CRYBG2: variants seen among roughly 807,000 people sequenced by gnomAD.
CRYBG2 encodes beta/gamma crystallin domain-containing protein 2.
Under a neutral mutation model 153.4 loss-of-function variants are expected in CRYBG2, and 106 were observed. That is an observed-to-expected ratio of 0.69 (90% confidence interval 0.59 to 0.81). The LOEUF (loss-of-function observed/expected upper bound fraction) is 0.81, where lower values mean the gene tolerates loss of function less well. Ranked by LOEUF, CRYBG2 falls within the 30% of genes least tolerant of loss-of-function variation. CRYBG2 has a pLI of 0.00. For synonymous variants in CRYBG2, 851 were observed against 877.8 expected, an observed-to-expected ratio of 0.97 and a Z score of 0.54; for missense variants, 1,996 against 2,112.0, an observed-to-expected ratio of 0.95 and a Z score of 1.08.
At chr1:26,347,227 C>T (rs1224710921) in intron 1 of CRYBG2, among the ~76,000 whole-genome samples, 1 of 150,572 alleles carries the variant, frequency 6.6e-6, no homozygotes, top group Non-Finnish European at 1.5e-5. Context: ...GGTCCTCAGC[C>T]ACAAAACTGG....
chr1:26,344,594 G>A lies in CRYBG2; in HGVS notation c.2064C>T (p.Ser688=), dbSNP rs1429039690. Residue 688 remains serine, a synonymous_variant, in exon 2 of 20, where the codon AGC becomes AGT. Coordinates refer to ENST00000308182, the MANE Select transcript of CRYBG2 (RefSeq NM_001039775.4). ...QDKGVQDSEG[S]PISSLTQKEV... is the part of the protein sequence containing the mutation. Reference sequence around the variant, plus strand: ...CTTTCTGGGTGAGAGATGAGATGGGGCTCCCTTCAGAGTCCTGGACCCCCT... The same window carrying A: ...CTTTCTGGGTGAGAGATGAGATGGGACTCCCTTCAGAGTCCTGGACCCCCT... 11 of 1,536,738 alleles carry A rather than the reference G, an allele frequency of 7.2e-6. No individual in the cohort carries two copies. In the Admixed American group the frequency reaches 1.8e-4, roughly 25 times the overall value.
rs1197081076 is a variant in CRYBG2 at position 26,347,292 on chromosome 1, T to TG, written c.-55-581_-55-580insC. Among the ~76,000 whole-genome samples, 497 of 134,498 alleles carry TG rather than the reference T, an allele frequency of 3.7e-3. 4 individuals carry two copies. The highest frequency in any genetic ancestry group is 0.014 in the African/African-American group (488 of 35,450). The allele number at this position is 134,498 out of a possible 152,430, so 88.2% of individuals were successfully genotyped here. The stretch of plus-strand genomic sequence containing the variant: ...ATGAAACCTCCCCCTGCGTTTTTTT[T>TG]TTTTTTTTTTTTTTTTTGTGAGACA... On this transcript the variant is annotated intron_variant, in intron 1 of 19. Transcript: ENST00000308182.
chr1:26,337,417 A>G (rs1432767699), intron 9 of CRYBG2, 38 bp from the exon 10 acceptor site: 1 of 1,607,942 alleles, frequency 6.2e-7, no homozygotes. Context: ...AGGTTCAGTC[A>G]TAGGAGGCCC....
chr1:26,347,364 G>C (rs1347183611), intron 1 of CRYBG2, among the ~76,000 whole-genome samples: 1 of 139,732 alleles, frequency 7.2e-6, no homozygotes, highest in East Asian at 2.1e-4. Flanking sequence ...TATGATCTTA[G>C]CTCACTGCAG....
chr1:26,337,817 T>C, intron 8 of CRYBG2, 143 bp from the exon 9 acceptor site: 1 of 1,333,724 alleles, frequency 7.5e-7, no homozygotes, highest in Non-Finnish European at 1.0e-6. Context: ...ACCCAATTCC[T>C]ATCTCTACTC....
At position 26,336,790 on chromosome 1, in the gene CRYBG2, C is replaced by CA; in HGVS notation, c.3911+50_3911+51insT. 1 of 1,561,144 alleles carries CA rather than the reference C, an allele frequency of 6.4e-7. No individual in the cohort carries two copies. The highest frequency in any genetic ancestry group is 8.7e-7 in the Non-Finnish European group (1 of 1,153,552). ...ACGGAGCCTGCACCTCTCCTGGAAC[C>CA]GCCCCCGGCTCGCCCGGGCCCGCCC... is the stretch of plus-strand genomic sequence containing the variant. On this transcript the variant is annotated intron_variant, in intron 11 of 19. Coordinates refer to ENST00000308182, the MANE Select transcript of CRYBG2 (RefSeq NM_001039775.4). This position sits in a 1 kb window ranked among gnomAD's most constrained non-coding sequence, Gnocchi z 4.9.
chr1:26,338,105 G>A, intron 7 of CRYBG2, 58 bp from the exon 8 acceptor site: 1 of 1,590,850 alleles, frequency 6.3e-7, no homozygotes, highest in Non-Finnish European at 8.6e-7. Context: ...AGATGGGGCT[G>A]CGGATCTAGG....
chr1:26,336,171 G>C lies in CRYBG2; in HGVS notation c.4108C>G (p.His1370Asp), dbSNP rs928995637. ...GCCTGGTCATCTTCGAAAGAGAAGTGGTCGCCCAGAAAGTCGGGGCGGGAG... is the reference window on the plus strand; with the variant it reads ...GCCTGGTCATCTTCGAAAGAGAAGTCGTCGCCCAGAAAGTCGGGGCGGGAG... ...LFSRPDFLGD[H>D]FSFEDDQAAL... The change falls in exon 14 of 20, where the codon CAC becomes GAC. Residue 1370 changes from histidine (H) to aspartate (D), a missense_variant. By Grantham distance (81) the His-to-Asp change is moderately conservative (BLOSUM62 -1). Transcript: ENST00000308182. The surrounding 1 kb of genome is among the most constrained non-coding windows in gnomAD (Gnocchi z 4.9). The C allele has an allele frequency of 6.5e-7, 1 of 1,549,970 alleles. No individual in the cohort carries two copies. The highest frequency in any genetic ancestry group is 1.4e-5 in the African/African-American group (1 of 73,398).
chr1:26,333,172 C>T (rs2074018828), intron 14 of CRYBG2, among the ~76,000 whole-genome samples: 1 of 151,948 alleles, frequency 6.6e-6, no homozygotes, highest in South Asian at 2.1e-4. Flanking sequence ...AAGCCATAAC[C>T]CTCAATGTAA....
chr1:26,340,773 C>T (rs190741415), intron 5 of CRYBG2, among the ~76,000 whole-genome samples: 77 of 151,928 alleles, frequency 5.1e-4, no homozygotes, highest in African/African-American at 1.7e-3. Flanking sequence ...CCACCATGCC[C>T]GGCTAATTTT....
chr1:26,336,169 G>A lies in CRYBG2; in HGVS notation c.4110C>T (p.His1370=), dbSNP rs774982675. The change falls in exon 14 of 20, where the codon CAC becomes CAT. Residue 1370 remains histidine, a synonymous_variant. Transcript: ENST00000308182. The surrounding 1 kb of genome is among the most constrained non-coding windows in gnomAD (Gnocchi z 4.9). ...CGGCCTGGTCATCTTCGAAAGAGAA[G>A]TGGTCGCCCAGAAAGTCGGGGCGGG... ...LFSRPDFLGD[H]FSFEDDQAAL... is the part of the protein sequence containing the mutation. 4 of 1,550,180 alleles carry A rather than the reference G, an allele frequency of 2.6e-6. No individual in the cohort carries two copies. Among genetic ancestry groups the A allele is most frequent in the African/African-American group, 1.4e-5 (1 of 73,444 alleles).
intron 1 of CRYBG2, among the ~76,000 whole-genome samples, chr1:26,352,228 C>G (rs2074294740): frequency 6.6e-6 from 1 of 152,122 alleles, no homozygotes; most frequent in African/African-American, 2.4e-5. Context: ...GACACAGACC[C>G]ACAATCACAC....
chr1:26,344,089 A>C lies in CRYBG2; in HGVS notation c.2569T>G (p.Ser857Ala). Residue 857 changes from serine (S) to alanine (A), a missense_variant, in exon 2 of 20, where the codon TCC (serine) becomes GCC (alanine). Physicochemically the swap from Ser to Ala is moderately conservative, Grantham distance 99. Transcript: ENST00000308182. ...GGTCTGGCAGGGTGGAGGTCCCTGG[A>C]GGGGCTGGGCCCAGCTTTCTCCTGC... is the stretch of plus-strand genomic sequence containing the variant. ...RRQEKAGPSP[S>A]RDLHPARPTQ... 2 of 1,536,094 alleles carry C rather than the reference A, an allele frequency of 1.3e-6. No individual in the cohort carries two copies. The highest frequency in any genetic ancestry group is 1.7e-6 in the Non-Finnish European group (2 of 1,146,886).
chr1:26,336,822 CGG>C lies in CRYBG2; in HGVS notation c.3911+17_3911+18del. The C allele has an allele frequency of 6.4e-7, 1 of 1,574,576 alleles. No individual in the cohort carries two copies. Among genetic ancestry groups the C allele is most frequent in the Non-Finnish European group, 8.6e-7 (1 of 1,161,832 alleles). On this transcript the variant is annotated intron_variant, in intron 11 of 19. Transcript: ENST00000308182. This position sits in a 1 kb window ranked among gnomAD's most constrained non-coding sequence, Gnocchi z 4.9. ...GGCTCGCCCGGGCCCGCCCCGCTCCCGGAGCCCGGGTCACTTACACGCCGCTG... is the reference window on the plus strand; with the variant it reads ...GGCTCGCCCGGGCCCGCCCCGCTCCCAGCCCGGGTCACTTACACGCCGCTG...
chr1:26,342,610 G>A (rs898017851), intron 5 of CRYBG2, 144 bp downstream of exon 5: 1 of 1,203,172 alleles, frequency 8.3e-7, no homozygotes, highest in Non-Finnish European at 1.2e-6. Context: ...TGTTGGCCAG[G>A]CTGGTCTCCA....
intron 14 of CRYBG2, 36 bp from the exon 15 acceptor site, chr1:26,331,654 T>G: frequency 6.2e-7 from 1 of 1,608,428 alleles, no homozygotes; most frequent in Non-Finnish European, 8.5e-7. Flanking sequence ...TATCTGAGCC[T>G]ACCTGTCCTT....
chr1:26,326,673 T>C, intron 17 of CRYBG2: 1 of 257,230 alleles, frequency 3.9e-6, no homozygotes, highest in Non-Finnish European at 8.2e-6. Context: ...GGATATTGTC[T>C]AGAGGCACTG....
Position 26,342,795 on chromosome 1 carries a change from A to G in CRYBG2, c.3163T>C (p.Trp1055Arg), listed in dbSNP as rs2074147583. The change falls in exon 5 of 20, where the codon TGG (tryptophan) becomes CGG (arginine). Residue 1055 changes from tryptophan to arginine, a missense_variant. By Grantham distance (101) the Trp-to-Arg change is moderately radical. Transcript: ENST00000308182. ...DMELRTPGTK[W>R]SPQGIGSLRR... is the part of the protein sequence containing the mutation. ...AGGGAGCCGATGCCTTGGGGACTCC[A>G]CTTTGTCCCTGGGGTTCTGAGTTCC... The G allele has an allele frequency of 6.2e-7, 1 of 1,613,802 alleles. No individual in the cohort carries two copies. The highest frequency in any genetic ancestry group is 1.1e-5 in the South Asian group (1 of 91,078).
At chr1:26,324,363 G>T in intron 17 of CRYBG2, 53 bp from the exon 18 acceptor site, 1 of 1,529,830 alleles carries the variant, frequency 6.5e-7, no homozygotes, top group Non-Finnish European at 8.8e-7. Context: ...GATGACCTGG[G>T]CCCCCAGTAC....
Sources: gnomAD v4.1 joint callset for allele counts (sites outside exome capture counted in the v4.1 genomes callset) on GRCh38, gnomAD v4.1.1 for gene constraint, Gnocchi (gnomAD v3.1) non-coding constraint, MANE v1.5 for transcripts, NCBI Gene and HGNC (gene_info 2026-07-23, HGNC 2026-07-21) for gene names.